UBE2Q2: variants seen among roughly 807,000 people sequenced by gnomAD.
The protein encoded by UBE2Q2 is ubiquitin-conjugating enzyme E2 Q2.
A neutral mutation model predicts 59.9 loss-of-function variants in UBE2Q2; 54 were observed. The observed-to-expected ratio is 0.90, with a 90% CI of 0.72 to 1.13. UBE2Q2 has a LOEUF of 1.13. Among genes scored for constraint, UBE2Q2 ranks in the 50% most tolerant of loss-of-function variants. The pLI, the probability that UBE2Q2 is intolerant of heterozygous loss-of-function variation, is 0.00. For synonymous variants in UBE2Q2, 165 were observed against 155.2 expected (o/e 1.06, Z -0.47); for missense variants, 433 against 441.9 (o/e 0.98, Z 0.18).
intron 5 of UBE2Q2, among the ~76,000 whole-genome samples, chr15:75,875,227 T>C (rs1288535084): frequency 2.6e-5 from 4 of 152,238 alleles, no homozygotes; most frequent in African/African-American, 9.6e-5. Context: ...GAAATAGGTA[T>C]GCTTCATATT....
intron 1 of UBE2Q2, among the ~76,000 whole-genome samples, chr15:75,847,650 G>A (rs530067962): frequency 1.3e-5 from 2 of 152,104 alleles, no homozygotes; most frequent in Non-Finnish European, 2.9e-5. Context: ...GAAATGCAAA[G>A]CAGCTTGTTT....
intron 4 of UBE2Q2, among the ~76,000 whole-genome samples, chr15:75,870,693 T>C (rs1051829072): frequency 6.6e-6 from 1 of 152,140 alleles, no homozygotes. Flanking sequence ...GGGAACAGGC[T>C]CAGAACAACC....
At position 75,843,644 on chromosome 15, in the gene UBE2Q2, C is replaced by T. The variant is rs766545751; in HGVS notation, c.-23C>T. Reference sequence around the variant, plus strand: ...CGCGCCCGGCTCCCCTTCCGCGCCCCTCCCGCCGGAGATGAGGGGAAGATG... The same window carrying T: ...CGCGCCCGGCTCCCCTTCCGCGCCCTTCCCGCCGGAGATGAGGGGAAGATG... On this transcript the variant is annotated 5_prime_UTR_variant, in exon 1 of 13. Coordinates refer to ENST00000267938, the MANE Select transcript of UBE2Q2 (RefSeq NM_173469.4). The T allele has an allele frequency of 6.4e-7, 1 of 1,574,416 alleles. No individual in the cohort carries two copies. Among genetic ancestry groups the T allele is most frequent in the Non-Finnish European group, 8.6e-7 (1 of 1,163,304 alleles).
At chr15:75,876,145 TAGCTC>T (rs1026875641) in intron 5 of UBE2Q2, 37 bp from the exon 6 acceptor site, 42 of 1,582,310 alleles carry the variant, frequency 2.7e-5, no homozygotes, top group Admixed American at 3.5e-5. Flanking sequence ...TCTTAAATCT[TAGCTC>T]AGCAGACCCT....
chr15:75,861,773 A>G lies in UBE2Q2; in HGVS notation c.387+1791A>G, dbSNP rs75808918. Among the ~76,000 whole-genome samples, 372 of 152,306 alleles carry G rather than the reference A, an allele frequency of 2.4e-3. 3 individuals are homozygous for G. The highest frequency in any genetic ancestry group is 8.6e-3 in the African/African-American group (356 of 41,560). ...TCCCAAAACTTAATGGCATAAAACA[A>G]CAAATTTGCCTATCTATCACTATTG... On this transcript the variant is annotated intron_variant, in intron 3 of 12. Coordinates refer to ENST00000267938, the MANE Select transcript of UBE2Q2 (RefSeq NM_173469.4).
At position 75,899,511 on chromosome 15, in the gene UBE2Q2, T is replaced by C. The variant is rs335688; in HGVS notation, c.*53T>C. 1,507,914 of 1,511,096 alleles carry C rather than the reference T, an allele frequency of 1. 752,404 individuals are homozygous for C. The highest frequency in any genetic ancestry group is 1 in the East Asian group (41,468 of 41,468). 93.6% of individuals were successfully genotyped at this position (1,511,096 alleles called of 1,614,324 possible). ...AATGTTGCTTTAAAGAAAATCTTTC[T>C]AACATGCAGACAAAAGCTTTGAGTG... On this transcript the variant is annotated 3_prime_UTR_variant, in exon 13 of 13. Coordinates refer to ENST00000267938, the MANE Select transcript of UBE2Q2 (RefSeq NM_173469.4).
chr15:75,858,996 CTT>C (rs1897072126), intron 2 of UBE2Q2, among the ~76,000 whole-genome samples: 1 of 141,606 alleles, frequency 7.1e-6, no homozygotes, highest in African/African-American at 2.9e-5. Flanking sequence ...CTCTTCATCT[CTT>C]TTCTTGGTCA....
In UBE2Q2 at chr15:75,899,499, A is replaced by C; in HGVS notation, c.*41A>C. ...TATGTTTGGACTAATGTTGCTTTAAAGAAAATCTTTCTAACATGCAGACAA... is the reference window on the plus strand; with the variant it reads ...TATGTTTGGACTAATGTTGCTTTAACGAAAATCTTTCTAACATGCAGACAA... On this transcript the variant is annotated 3_prime_UTR_variant, in exon 13 of 13. Transcript: ENST00000267938. 1 of 1,561,504 alleles carries C rather than the reference A, an allele frequency of 6.4e-7. No homozygotes were observed. Among genetic ancestry groups the C allele is most frequent in the Non-Finnish European group, 8.7e-7 (1 of 1,148,616 alleles).
intron 6 of UBE2Q2, 108 bp from the exon 7 acceptor site, chr15:75,877,853 A>T: frequency 1.1e-6 from 1 of 931,090 alleles, no homozygotes; most frequent in Non-Finnish European, 1.6e-6. Flanking sequence ...TCCATGTTTT[A>T]AGAGCAAAAT....
chr15:75,885,685 G>A (rs911759466), intron 9 of UBE2Q2, among the ~76,000 whole-genome samples: 21 of 152,180 alleles, frequency 1.4e-4, no homozygotes, highest in African/African-American at 4.1e-4. Context: ...GGATTCCTTC[G>A]TGAGCAGATG....
chr15:75,855,685 A>G (rs1272905445), intron 2 of UBE2Q2, among the ~76,000 whole-genome samples: 1 of 152,226 alleles, frequency 6.6e-6, no homozygotes, highest in Non-Finnish European at 1.5e-5. Context: ...AATTTTAGCT[A>G]TAATCACATT....
intron 1 of UBE2Q2, among the ~76,000 whole-genome samples, chr15:75,853,212 C>A (rs1896718821): frequency 6.6e-6 from 1 of 152,178 alleles, no homozygotes; most frequent in Non-Finnish European, 1.5e-5. Flanking sequence ...TGGCTCACGC[C>A]TGTAATCCCA....
intron 7 of UBE2Q2, among the ~76,000 whole-genome samples, chr15:75,878,600 T>TA (rs142315305): frequency 8.6e-4 from 74 of 86,032 alleles, no homozygotes; most frequent in African/African-American, 3.0e-3. Context: ...CCCGGTCTCT[T>TA]AAAAAAAAAA....
At chr15:75,873,763 G>A (rs1048203847) in intron 5 of UBE2Q2, among the ~76,000 whole-genome samples, 195 bp downstream of exon 5, 19 of 152,202 alleles carry the variant, frequency 1.2e-4, no homozygotes, top group African/African-American at 4.6e-4. Flanking sequence ...CACAATCATA[G>A]TTCAGTGTAG....
intron 9 of UBE2Q2, among the ~76,000 whole-genome samples, chr15:75,885,886 C>A (rs907392448): frequency 1.3e-5 from 2 of 152,164 alleles, no homozygotes; most frequent in Non-Finnish European, 2.9e-5. Flanking sequence ...CTTCTTTTGT[C>A]ATAAAACCTC....
At chr15:75,867,996 C>T (rs1897592529) in intron 3 of UBE2Q2, among the ~76,000 whole-genome samples, 1 of 152,158 alleles carries the variant, frequency 6.6e-6, no homozygotes, top group Non-Finnish European at 1.5e-5. Context: ...AAAGGAAATA[C>T]AAGTTAATTC....
At chr15:75,897,225 TA>T (rs1274890035) in intron 12 of UBE2Q2, among the ~76,000 whole-genome samples, 164 bp downstream of exon 12, 4 of 151,548 alleles carry the variant, frequency 2.6e-5, no homozygotes, top group Non-Finnish European at 5.9e-5. Flanking sequence ...TTTATTTATT[TA>T]TTTTATTTTA....
intron 1 of UBE2Q2, among the ~76,000 whole-genome samples, chr15:75,850,841 A>T (rs986217955): frequency 6.6e-6 from 1 of 152,218 alleles, no homozygotes; most frequent in East Asian, 1.9e-4. Flanking sequence ...GGTATTTATC[A>T]CTACAAGTTA....
chr15:75,884,934 G>A (rs1444691564), intron 9 of UBE2Q2, among the ~76,000 whole-genome samples: 1 of 152,072 alleles, frequency 6.6e-6, no homozygotes, highest in Non-Finnish European at 1.5e-5. Flanking sequence ...ACAAGTCTAA[G>A]CCACTGTGCC....
Sources: gnomAD v4.1 joint callset for allele counts (sites outside exome capture counted in the v4.1 genomes callset) on GRCh38, gnomAD v4.1.1 for gene constraint, MANE v1.5 for transcripts, NCBI Gene and HGNC (gene_info 2026-07-23, HGNC 2026-07-21) for gene names.